Variants in PIWIL3 observed in about 807,000 individuals in gnomAD.
PIWIL3 encodes the protein piwi-like protein 3.
A neutral mutation model predicts 109.7 loss-of-function variants in PIWIL3; 101 were observed. The observed-to-expected ratio is 0.92, with a 90% confidence interval of 0.78 to 1.09. The LOEUF (loss-of-function observed/expected upper bound fraction) is 1.09, where lower values mean the gene tolerates loss of function less well. Among genes scored for constraint, PIWIL3 ranks in the 50% least tolerant of loss-of-function variants. The probability of loss-of-function intolerance (pLI) is 0.00; values close to 1 mark genes in which losing one functional copy is unlikely to be tolerated. For missense variants in PIWIL3, 1,031 were observed against 1,072.6 expected (o/e 0.96, Z 0.54); for synonymous variants, 373 against 376.4 (o/e 0.99, Z 0.10).
Position 24,727,179 on chromosome 22 carries a change from G to C in PIWIL3, c.2009+771C>G, listed in dbSNP as rs73879112. ...ATGATCTCCATTTAAGACATTTACT[G>C]ATCAGAGCCTGTGGTAGGCAGAATT... is the stretch of plus-strand genomic sequence containing the variant. On this transcript the variant is annotated intron_variant, in intron 16 of 20. Coordinates refer to ENST00000616349, the MANE Select transcript of PIWIL3 (RefSeq NM_001255975.1). Among the ~76,000 whole-genome samples, 1,348 of 152,268 alleles carry C rather than the reference G, an allele frequency of 8.9e-3. 22 individuals carry two copies. The highest frequency in any genetic ancestry group is 0.03 in the African/African-American group (1,265 of 41,542).
intron 16 of PIWIL3, among the ~76,000 whole-genome samples, chr22:24,727,341 G>T (rs1422268181): frequency 6.6e-6 from 1 of 152,166 alleles, no homozygotes; most frequent in East Asian, 1.9e-4. Context: ...TCCTTTAAAA[G>T]CAGGGATGTT....
chr22:24,749,965 T>C, intron 9 of PIWIL3, 146 bp from the exon 10 acceptor site: 2 of 1,051,064 alleles, frequency 1.9e-6, no homozygotes, highest in Non-Finnish European at 2.8e-6. Context: ...AATAGTGTAC[T>C]ATGAATACTC....
chr22:24,733,841 A>AT (rs1328818954), intron 14 of PIWIL3, among the ~76,000 whole-genome samples: 1 of 152,198 alleles, frequency 6.6e-6, no homozygotes, highest in Non-Finnish European at 1.5e-5. Context: ...TGTATGGTGT[A>AT]TTTTTTCAAG....
intron 8 of PIWIL3, among the ~76,000 whole-genome samples, chr22:24,751,773 A>C (rs547199267): frequency 1.3e-5 from 2 of 152,306 alleles, no homozygotes; most frequent in East Asian, 3.9e-4. Context: ...TCAGGCAGCC[A>C]CTAGCCTACT....
At chr22:24,750,482 ATTTTTTTTC>A (rs1379519032) in intron 9 of PIWIL3, among the ~76,000 whole-genome samples, 1 of 114,296 alleles carries the variant, frequency 8.7e-6, no homozygotes, top group Non-Finnish European at 1.8e-5. Flanking sequence ...ACCACATTTG[ATTTTTTTTC>A]TTTTTTTTTT....
intron 12 of PIWIL3, among the ~76,000 whole-genome samples, chr22:24,737,072 G>A (rs1442661091): frequency 6.6e-6 from 1 of 152,174 alleles, no homozygotes; most frequent in Non-Finnish European, 1.5e-5. Context: ...TAGGGGTGGA[G>A]GGGTAGGGGA....
chr22:24,754,953 A>C, intron 6 of PIWIL3, 89 bp from the exon 7 acceptor site: 1 of 1,011,864 alleles, frequency 9.9e-7, no homozygotes, highest in Non-Finnish European at 1.5e-6. Flanking sequence ...AAATCTGTCA[A>C]TGACTGTTTA....
Position 24,762,487 on chromosome 22 carries a change from C to T in PIWIL3, c.13G>A (p.Ala5Thr), listed in dbSNP as rs1925498061. 1.9e-6 allele frequency: 3 copies of T among 1,612,968 alleles called. No individual in the cohort carries two copies. MPGR[A>T]RTRARGRARR... ...GCTCTGCCTCGGGCGCGAGTCCTTG[C>T]CCTACCAGGCATTGTGGTCCTGAAG... Residue 5 changes from alanine to threonine, a missense_variant, in exon 2 of 21, where the codon GCA (alanine) becomes ACA (threonine). Transcript: ENST00000616349.
intron 14 of PIWIL3, 119 bp from the exon 15 acceptor site, chr22:24,728,493 G>T: frequency 8.6e-7 from 1 of 1,162,458 alleles, no homozygotes; most frequent in Admixed American, 2.2e-5. Context: ...AATTTATTAA[G>T]AAAATATATG....
chr22:24,761,171 G>A (rs1464935801), intron 2 of PIWIL3, among the ~76,000 whole-genome samples: 2 of 151,970 alleles, frequency 1.3e-5, no homozygotes, highest in Non-Finnish European at 2.9e-5. Flanking sequence ...TCTGGCCAAC[G>A]AGATAAATAT....
chr22:24,724,469 T>C (rs554026260), intron 18 of PIWIL3, among the ~76,000 whole-genome samples: 1 of 151,224 alleles, frequency 6.6e-6, no homozygotes, highest in East Asian at 1.9e-4. Flanking sequence ...CGTTTCACTC[T>C]TGTTGCCCAG....
intron 4 of PIWIL3, 26 bp downstream of exon 4, chr22:24,757,882 A>T (rs768459430): frequency 1.9e-6 from 3 of 1,572,830 alleles, no homozygotes; most frequent in Non-Finnish European, 2.6e-6. Context: ...ACAGCTCCAT[A>T]AACATTGAGT....
intron 12 of PIWIL3, among the ~76,000 whole-genome samples, chr22:24,748,354 C>T (rs1274779096): frequency 2.0e-5 from 3 of 152,028 alleles, no homozygotes; most frequent in Admixed American, 6.6e-5. Flanking sequence ...TGAGTAAGAC[C>T]TAGCATCTGC....
rs1378671897 is a variant in PIWIL3, at chr22:24,744,200, A to C, written c.1449+4707T>G. 6.0e-5 allele frequency among the ~76,000 whole-genome samples: 9 copies of C among 148,826 alleles called. 1 individual carries two copies. The highest frequency in any genetic ancestry group is 3.9e-4 in the East Asian group (2 of 5,140). ...AATTAAAAAAAAAAAAAAAAAAAAA[A>C]AAAAAAACAATGATCTGCTGCCTGC... On this transcript the variant is annotated intron_variant, in intron 12 of 20. Transcript: ENST00000616349.
intron 16 of PIWIL3, among the ~76,000 whole-genome samples, chr22:24,726,509 T>A (rs1184533124): frequency 6.6e-6 from 1 of 152,118 alleles, no homozygotes; most frequent in Non-Finnish European, 1.5e-5. Flanking sequence ...ATGGTCTCGA[T>A]CTCCTGACCT....
rs148658010 is a variant in PIWIL3 at position 24,759,964 on chromosome 22, G to C, written c.128C>G (p.Ser43Trp). The C allele has an allele frequency of 6.2e-7, 1 of 1,614,072 alleles. No individual in the cohort carries two copies. Among genetic ancestry groups the C allele is most frequent in the Admixed American group, 1.7e-5 (1 of 60,000 alleles). Residue 43 changes from serine to tryptophan, a missense_variant, in exon 3 of 21, where the codon TCG (serine) becomes TGG (tryptophan). Ser to Trp is a radical substitution (Grantham distance 177, BLOSUM62 -3). Transcript: ENST00000616349. ...ATTQEPPQLQ[S>W]TPRPLQEEVP... The stretch of plus-strand genomic sequence containing the variant: ...TTCCTCCTGCAGCGGCCGGGGTGTC[G>C]ACTGCAACTGAGGGGGCTCCTGGGT...
chr22:24,732,532 G>C (rs956783473), intron 14 of PIWIL3, among the ~76,000 whole-genome samples: 1 of 152,180 alleles, frequency 6.6e-6, no homozygotes, highest in Non-Finnish European at 1.5e-5. Context: ...CATTAAAAAG[G>C]TAATCTTGAG....
chr22:24,745,118 T>C (rs1924277579), intron 12 of PIWIL3, among the ~76,000 whole-genome samples: 1 of 152,234 alleles, frequency 6.6e-6, no homozygotes, highest in African/African-American at 2.4e-5. Flanking sequence ...TGCTCCTGAA[T>C]GACCACTGTT....
intron 19 of PIWIL3, among the ~76,000 whole-genome samples, chr22:24,722,556 T>C (rs1264468025): frequency 6.6e-6 from 1 of 151,916 alleles, no homozygotes; most frequent in Non-Finnish European, 1.5e-5. Flanking sequence ...CTACTAAAAA[T>C]ACAAAAAATT....
Sources: gnomAD v4.1 joint callset for allele counts (sites outside exome capture counted in the v4.1 genomes callset) on GRCh38, gnomAD v4.1.1 for gene constraint, MANE v1.5 for transcripts, NCBI Gene and HGNC (gene_info 2026-07-23, HGNC 2026-07-21) for gene names.